SWAP70: variants seen among roughly 807,000 people sequenced by gnomAD.
SWAP70 encodes switch-associated protein 70.
In SWAP70, 34 loss-of-function variants were observed where a neutral mutation model predicts 80.2. The ratio of observed to expected loss-of-function variants is 0.42; its 90% CI spans 0.32 to 0.56. The LOEUF (loss-of-function observed/expected upper bound fraction) is 0.56. SWAP70 is among the 20% of genes least tolerant of loss of function. SWAP70 has a pLI of 0.09. For missense variants in SWAP70, 578 were observed against 690.7 expected (o/e 0.84, Z 1.83); for synonymous variants, 239 against 238.5 (o/e 1.00, Z -0.02).
chr11:9,682,044 C>T (rs1850574075), intron 1 of SWAP70, among the ~76,000 whole-genome samples: 1 of 152,174 alleles, frequency 6.6e-6, no homozygotes, highest in South Asian at 2.1e-4. Context: ...GGCAGACATG[C>T]TCTTTGAGGT....
chr11:9,724,091 A>G (rs761784742), intron 3 of SWAP70, among the ~76,000 whole-genome samples: 1 of 152,196 alleles, frequency 6.6e-6, no homozygotes, highest in Non-Finnish European at 1.5e-5. Context: ...TATTATTTCA[A>G]TAGCAGTATT....
At chr11:9,722,772 G>A (rs1186279340) in intron 3 of SWAP70, among the ~76,000 whole-genome samples, 1 of 152,164 alleles carries the variant, frequency 6.6e-6, no homozygotes, top group Non-Finnish European at 1.5e-5. Context: ...GGCAAGTGGT[G>A]GCAAACTACA....
intron 1 of SWAP70, among the ~76,000 whole-genome samples, chr11:9,670,718 C>G (rs1019500006): frequency 6.6e-6 from 1 of 151,860 alleles, no homozygotes. Context: ...GGTCTCATAC[C>G]TTTGAGAGTT....
intron 2 of SWAP70, among the ~76,000 whole-genome samples, chr11:9,704,946 G>A (rs1286924908): frequency 1.3e-5 from 2 of 152,180 alleles, no homozygotes; most frequent in African/African-American, 2.4e-5. Context: ...TGCAGACATT[G>A]CTACACTTCA....
At chr11:9,664,330 T>G (rs1850282231) in intron 1 of SWAP70, 52 bp downstream of exon 1, 4 of 1,520,792 alleles carry the variant, frequency 2.6e-6, no homozygotes, top group Non-Finnish European at 3.5e-6. Context: ...GCGCGCTCTG[T>G]ACTTCCCTTG....
chr11:9,718,797 C>G (rs1015768401), intron 3 of SWAP70, among the ~76,000 whole-genome samples: 10 of 151,648 alleles, frequency 6.6e-5, no homozygotes, highest in African/African-American at 1.9e-4. Flanking sequence ...TTTTTTAAGC[C>G]TTAATTAATA....
intron 7 of SWAP70, among the ~76,000 whole-genome samples, chr11:9,734,390 A>G (rs979574264): frequency 1.3e-5 from 2 of 152,196 alleles, no homozygotes; most frequent in African/African-American, 2.4e-5. Context: ...TTCCAGGAGC[A>G]TGTAGTGTTC....
chr11:9,707,273 T>G (rs758879659), intron 2 of SWAP70, among the ~76,000 whole-genome samples: 19 of 152,202 alleles, frequency 1.2e-4, no homozygotes, highest in Non-Finnish European at 2.1e-4. Flanking sequence ...CCTGTTTATC[T>G]TGCATAACTG....
rs1850608212 is a variant in SWAP70, at chr11:9,684,598, C to G, written c.100-9548C>G. Among the ~76,000 whole-genome samples, 8 of 152,162 alleles carry G rather than the reference C, an allele frequency of 5.3e-5. No homozygotes were observed. In the South Asian group the frequency reaches 1.7e-3, roughly 32 times the overall value. ...AATTTTAAGAAACTGGACTTCTCTA[C>G]TAGATCTCAGGCCAGACGAGTTGTG... On this transcript the variant is annotated intron_variant, in intron 1 of 11. Coordinates refer to ENST00000318950, the MANE Select transcript of SWAP70 (RefSeq NM_015055.4).
chr11:9,745,765 C>T (rs1278214444), intron 9 of SWAP70, among the ~76,000 whole-genome samples: 5 of 152,120 alleles, frequency 3.3e-5, no homozygotes, highest in Non-Finnish European at 5.9e-5. Flanking sequence ...ATGAGGAAGC[C>T]GATACACAGA....
At chr11:9,715,774 C>G (rs1268139007) in intron 3 of SWAP70, among the ~76,000 whole-genome samples, 1 of 152,234 alleles carries the variant, frequency 6.6e-6, no homozygotes, top group East Asian at 1.9e-4. Flanking sequence ...CCAGGTCCCT[C>G]TCACAACACC....
chr11:9,732,723 G>T lies in SWAP70; in HGVS notation c.1080+13G>T, dbSNP rs371007588. On this transcript the variant is annotated intron_variant, in intron 7 of 11. Transcript: ENST00000318950. The stretch of plus-strand genomic sequence containing the variant: ...GGCCGTGCGGAAGGTGGGAATGGGC[G>T]CTGGGCTGGGAGAGGGCCCTTCATT... The T allele has an allele frequency of 4.4e-4, 675 of 1,536,740 alleles. 1 individual carries two copies. Among genetic ancestry groups the T allele is most frequent in the Non-Finnish European group, 5.4e-4 (617 of 1,142,124 alleles).
chr11:9,688,455 G>A (rs1850658116), intron 1 of SWAP70, among the ~76,000 whole-genome samples: 1 of 152,154 alleles, frequency 6.6e-6, no homozygotes, highest in South Asian at 2.1e-4. Context: ...AGGGCCCAGG[G>A]GAGAAAGGGA....
At chr11:9,749,014 G>T (rs1851548078) in intron 10 of SWAP70, 73 bp from the exon 11 acceptor site, 2 of 843,864 alleles carry the variant, frequency 2.4e-6, no homozygotes, top group African/African-American at 1.8e-5. Context: ...TACATAGTAA[G>T]GGCCCAATAG....
chr11:9,723,675 A>G (rs924995385), intron 3 of SWAP70, among the ~76,000 whole-genome samples: 1 of 151,670 alleles, frequency 6.6e-6, no homozygotes, highest in African/African-American at 2.4e-5. Flanking sequence ...ACTGTATAGG[A>G]TATTTGGGCT....
chr11:9,694,286 G>A lies in SWAP70; in HGVS notation c.240G>A (p.Lys80=). The stretch of plus-strand genomic sequence containing the variant: ...ATTTAAACAGGTTCATTTTGGAAAA[G>A]GTATGATTCTAACCTTTTTTTGGGT... ...MPYLNRFILE[K]VQDNFDKIEF... Residue 80 remains lysine, a splice_region_variant and synonymous_variant, in exon 2 of 12, where the codon AAG becomes AAA. Transcript: ENST00000318950. 1 of 1,609,292 alleles carries A rather than the reference G, an allele frequency of 6.2e-7. No homozygotes were observed. The highest frequency in any genetic ancestry group is 8.5e-7 in the Non-Finnish European group (1 of 1,178,106).
intron 6 of SWAP70, among the ~76,000 whole-genome samples, chr11:9,729,856 G>A (rs1197391368): frequency 6.6e-6 from 1 of 152,160 alleles, no homozygotes; most frequent in East Asian, 1.9e-4. Flanking sequence ...CCTCATTGTA[G>A]TTATTTTCTG....
intron 1 of SWAP70, among the ~76,000 whole-genome samples, chr11:9,674,161 A>G (rs1850456007): frequency 6.6e-6 from 1 of 152,112 alleles, no homozygotes; most frequent in Admixed American, 6.5e-5. Context: ...TCGGCCTCCC[A>G]AAGTGCTGGG....
At chr11:9,675,346 CGAGA>C (rs1184480305) in intron 1 of SWAP70, among the ~76,000 whole-genome samples, 1 of 8,412 alleles carries the variant, frequency 1.2e-4, no homozygotes, top group East Asian at 2.8e-3. Flanking sequence ...AGAGAGGGAG[CGAGA>C]GAGAGAGAGA....
Sources: allele counts gnomAD v4.1 joint callset (sites outside exome capture counted in the v4.1 genomes callset), GRCh38; gene constraint gnomAD v4.1.1; transcripts MANE v1.5; gene names NCBI Gene and HGNC (gene_info 2026-07-23, HGNC 2026-07-21).